The following TOP1 variants were observed in gnomAD, a reference collection of about 807,000 sequenced individuals.
The protein encoded by TOP1 is DNA topoisomerase I.
In TOP1, 10 loss-of-function variants were observed where a neutral mutation model predicts 111.1. The ratio of observed to expected loss-of-function variants is 0.09; its 90% confidence interval spans 0.06 to 0.15. The LOEUF (loss-of-function observed/expected upper bound fraction) is 0.15. Among genes scored for constraint, TOP1 ranks in the 10% least tolerant of loss-of-function variants. The pLI is 1.00. For synonymous variants in TOP1, 271 were observed against 302.9 expected, an observed-to-expected ratio of 0.89 and a Z score of 1.10; for missense variants, 474 against 926.7, an observed-to-expected ratio of 0.51 and a Z score of 6.34.
chr20:41,115,009 A>G lies in TOP1; in HGVS notation c.1639-362A>G, dbSNP rs1259542229. Among the ~76,000 whole-genome samples the G allele has an allele frequency of 6.6e-6, 1 of 152,262 alleles. No homozygotes were observed. Among genetic ancestry groups the G allele is most frequent in the Non-Finnish European group, 1.5e-5 (1 of 68,048 alleles). ...ATGTAAGGGAATATCTATTTTTAGAACATACACACTGAAATGTTTAGGACC... is the reference window on the plus strand; with the variant it reads ...ATGTAAGGGAATATCTATTTTTAGAGCATACACACTGAAATGTTTAGGACC... On this transcript the variant is annotated intron_variant, in intron 15 of 20. Coordinates refer to ENST00000361337, the MANE Select transcript of TOP1 (RefSeq NM_003286.4). The surrounding 1 kb of genome is among the most constrained non-coding windows in gnomAD (Gnocchi z 6.3).
At position 41,039,431 on chromosome 20, in the gene TOP1, CTTG is replaced by C. The variant is rs370521759; in HGVS notation, c.58+9977_58+9979del. Among the ~76,000 whole-genome samples, 327 of 152,168 alleles carry C rather than the reference CTTG, an allele frequency of 2.1e-3. 1 individual carries two copies. Among genetic ancestry groups the C allele is most frequent in the African/African-American group, 6.5e-3 (268 of 41,502 alleles). ...CTTAAAGAAATTGGAGACCTAGGAC[CTTG>C]GATTTCCAAAGATTTCCAAACTCTT... On this transcript the variant is annotated intron_variant, in intron 2 of 20. Coordinates refer to ENST00000361337, the MANE Select transcript of TOP1 (RefSeq NM_003286.4).
At chr20:41,105,998 T>G (rs753786280) in intron 13 of TOP1, among the ~76,000 whole-genome samples, 23 of 113,218 alleles carry the variant, frequency 2.0e-4, no homozygotes, top group South Asian at 3.2e-4. Context: ...CACAACAGTA[T>G]TCCTCTTTTT....
chr20:41,081,066 C>A, intron 6 of TOP1, 99 bp from the exon 7 acceptor site: 1 of 1,027,674 alleles, frequency 9.7e-7, no homozygotes, highest in Non-Finnish European at 1.4e-6. Context: ...ACAGTGATTA[C>A]TCTTGCCATG....
At position 41,114,278 on chromosome 20, in the gene TOP1, A is replaced by G; in HGVS notation, c.1638+123A>G. 1.2e-6 allele frequency: 1 copy of G among 800,846 alleles called. No homozygotes were observed. Among genetic ancestry groups the G allele is most frequent in the Admixed American group, 2.4e-5 (1 of 41,162 alleles). The allele number at this position is 800,846 out of a possible 1,614,324, so 49.6% of individuals were successfully genotyped here. On this transcript the variant is annotated intron_variant, in intron 15 of 20. Coordinates refer to ENST00000361337, the MANE Select transcript of TOP1 (RefSeq NM_003286.4). The surrounding 1 kb of genome is among the most constrained non-coding windows in gnomAD (Gnocchi z 4.5). The stretch of plus-strand genomic sequence containing the variant: ...GCAAAAGTGACTTGAGACAGGCAAC[A>G]TGGCACATGCCTGTAGACCCAGCTA...
rs2034254845 is a variant in TOP1, at chr20:41,112,256, C to A, written c.1309-526C>A. ...TCACTTAGATTTAATGGAATTCAGT[C>A]CTGGTAGAAAACTGCTATTGGGTCA... On this transcript the variant is annotated intron_variant, in intron 13 of 20. Coordinates refer to ENST00000361337, the MANE Select transcript of TOP1 (RefSeq NM_003286.4). This position sits in a 1 kb window ranked among gnomAD's most constrained non-coding sequence, Gnocchi z 5.8. Among the ~76,000 whole-genome samples, 1 of 152,190 alleles carries A rather than the reference C, an allele frequency of 6.6e-6. No individual in the cohort carries two copies. The highest frequency in any genetic ancestry group is 1.5e-5 in the Non-Finnish European group (1 of 68,042).
chr20:41,032,629 C>T lies in TOP1; in HGVS notation c.58+3174C>T, dbSNP rs935464221. ...CCCATTTGACCCCCTTAGCAAAGCA[C>T]AATACTTGGCTCCATCAGTCTTTAG... On this transcript the variant is annotated intron_variant, in intron 2 of 20. Coordinates refer to ENST00000361337, the MANE Select transcript of TOP1 (RefSeq NM_003286.4). This position sits in a 1 kb window ranked among gnomAD's most constrained non-coding sequence, Gnocchi z 4.3. Among the ~76,000 whole-genome samples the T allele has an allele frequency of 6.6e-6, 1 of 152,182 alleles. No individual in the cohort carries two copies. The highest frequency in any genetic ancestry group is 2.4e-5 in the African/African-American group (1 of 41,446).
intron 3 of TOP1, among the ~76,000 whole-genome samples, chr20:41,075,941 A>C (rs1367035330): frequency 6.6e-6 from 1 of 152,232 alleles, no homozygotes; most frequent in African/African-American, 2.4e-5. Context: ...GTCACTTTAA[A>C]AAAAATGTCC....
chr20:41,101,023 T>G lies in TOP1; in HGVS notation c.1164-186T>G. The G allele has an allele frequency of 1.7e-6, 1 of 584,612 alleles. No individual in the cohort carries two copies. The highest frequency in any genetic ancestry group is 3.0e-6 in the Non-Finnish European group (1 of 329,538). The allele number at this position is 584,612 out of a possible 1,614,324, so 36.2% of individuals were successfully genotyped here. ...AAATGTTTATTTCTGGAATTTTGTA[T>G]TGAATATTTTCGGATGACAGTTGGC... On this transcript the variant is annotated intron_variant, in intron 12 of 20. Coordinates refer to ENST00000361337, the MANE Select transcript of TOP1 (RefSeq NM_003286.4). The surrounding 1 kb of genome is among the most constrained non-coding windows in gnomAD (Gnocchi z 4.1).
At position 41,097,353 on chromosome 20, in the gene TOP1, C is replaced by T. The variant is rs752708747; in HGVS notation, c.852+12C>T. 6.2e-7 allele frequency: 1 copy of T among 1,610,388 alleles called. No individual in the cohort carries two copies. Among genetic ancestry groups the T allele is most frequent in the South Asian group, 1.1e-5 (1 of 90,524 alleles). On this transcript the variant is annotated intron_variant, in intron 10 of 20. Transcript: ENST00000361337. This position sits in a 1 kb window ranked among gnomAD's most constrained non-coding sequence, Gnocchi z 4.2. ...AAGACTGGAGAAAGGTACTGTAGCC[C>T]ATGTGTTAATATCCTAGTACCTTGC...
chr20:41,063,517 A>G (rs1048262973), intron 3 of TOP1, among the ~76,000 whole-genome samples: 1 of 152,140 alleles, frequency 6.6e-6, no homozygotes, highest in East Asian at 1.9e-4. Flanking sequence ...AAATCTCCAA[A>G]CTGCTTTCCC....
Position 41,121,957 on chromosome 20 carries a change from CTT to C in TOP1, c.2046-48_2046-47del. The C allele has an allele frequency of 6.2e-7, 1 of 1,607,894 alleles. No homozygotes were observed. Among genetic ancestry groups the C allele is most frequent in the Non-Finnish European group, 8.5e-7 (1 of 1,177,036 alleles). ...AGTGGCAGGATGGGTACAGTGTGCT[CTT>C]GTCTAGAGCCCAGGCCTGGTTCTTG... is the stretch of plus-strand genomic sequence containing the variant. On this transcript the variant is annotated intron_variant, in intron 19 of 20. Coordinates refer to ENST00000361337, the MANE Select transcript of TOP1 (RefSeq NM_003286.4). This position sits in a 1 kb window ranked among gnomAD's most constrained non-coding sequence, Gnocchi z 4.2.
chr20:41,063,675 T>G (rs2145928190), intron 3 of TOP1, among the ~76,000 whole-genome samples: 1 of 152,340 alleles, frequency 6.6e-6, no homozygotes, highest in East Asian at 1.9e-4. Context: ...TGATTTGCAT[T>G]TCTCTGATGA....
chr20:41,078,954 A>C lies in TOP1; in HGVS notation c.336-1131A>C, dbSNP rs1300874904. Among the ~76,000 whole-genome samples, 3 of 152,130 alleles carry C rather than the reference A, an allele frequency of 2.0e-5. No individual in the cohort carries two copies. Among genetic ancestry groups the C allele is most frequent in the African/African-American group, 7.2e-5 (3 of 41,420 alleles). ...CACAGTTTTTGTCTTCAGTGTGACA[A>C]ACTTAGGATCTAGCATTTACTTAAC... On this transcript the variant is annotated intron_variant, in intron 5 of 20. Transcript: ENST00000361337. The surrounding 1 kb of genome is among the most constrained non-coding windows in gnomAD (Gnocchi z 5.3).
rs934746482 is a variant in TOP1 at position 41,029,126 on chromosome 20, C to T, written c.33+26C>T. On this transcript the variant is annotated intron_variant, in intron 1 of 20. Transcript: ENST00000361337. The surrounding 1 kb of genome is among the most constrained non-coding windows in gnomAD (Gnocchi z 6.1). The stretch of plus-strand genomic sequence containing the variant: ...GTACGGCCCGGCCTGACCCTGGCGG[C>T]CCCGGACCCCGGCCTGGCCGTCCCG... 1.4e-5 allele frequency: 21 copies of T among 1,471,020 alleles called. No homozygotes were observed. The highest frequency in any genetic ancestry group is 1.2e-4 in the East Asian group (4 of 33,692). The allele number at this position is 1,471,020 out of a possible 1,614,324, so 91.1% of individuals were successfully genotyped here.
intron 8 of TOP1, among the ~76,000 whole-genome samples, chr20:41,089,184 C>T (rs952802668): frequency 4.6e-5 from 7 of 151,900 alleles, no homozygotes; most frequent in Admixed American, 1.3e-4. Flanking sequence ...ACCACCATTC[C>T]CGGCTAATTT....
Position 41,110,482 on chromosome 20 carries a change from C to T in TOP1, c.1309-2300C>T, listed in dbSNP as rs148706010. On this transcript the variant is annotated intron_variant, in intron 13 of 20. Coordinates refer to ENST00000361337, the MANE Select transcript of TOP1 (RefSeq NM_003286.4). The surrounding 1 kb of genome is among the most constrained non-coding windows in gnomAD (Gnocchi z 4.2). ...CAAATGTCCTCTTCCCCATTACAAA[C>T]GTCTGAGAAAGTTACTAGAAAACAG... Among the ~76,000 whole-genome samples, 75 of 152,298 alleles carry T rather than the reference C, an allele frequency of 4.9e-4. No homozygotes were observed. Among genetic ancestry groups the T allele is most frequent in the Admixed American group, 1.1e-3 (17 of 15,298 alleles).
At position 41,029,343 on chromosome 20, in the gene TOP1, AG is replaced by A; in HGVS notation, c.34-85del. 1.6e-6 allele frequency: 2 copies of A among 1,222,404 alleles called. No individual in the cohort carries two copies. The highest frequency in any genetic ancestry group is 2.2e-6 in the Non-Finnish European group (2 of 909,826). The allele number at this position is 1,222,404 out of a possible 1,614,324, so 75.7% of individuals were successfully genotyped here. A position where few individuals can be genotyped will look rare whatever the true frequency, so the allele number is the denominator to read the frequency against. ...GGGTCCCCGTCCTCCCCGGGGGCGC[AG>A]GGTGAGCCAGACCCCGGCCGCGCGC... On this transcript the variant is annotated intron_variant, in intron 1 of 20. Coordinates refer to ENST00000361337, the MANE Select transcript of TOP1 (RefSeq NM_003286.4). The surrounding 1 kb of genome is among the most constrained non-coding windows in gnomAD (Gnocchi z 6.1).
chr20:41,116,438 A>G lies in TOP1; in HGVS notation c.1822+46A>G. ...TAGGGCCCACACCCCTACTAATGGTATCCGGTGACCTTGCTTATCTAAGGC... is the reference window on the plus strand; with the variant it reads ...TAGGGCCCACACCCCTACTAATGGTGTCCGGTGACCTTGCTTATCTAAGGC... On this transcript the variant is annotated intron_variant, in intron 17 of 20. Transcript: ENST00000361337. This position sits in a 1 kb window ranked among gnomAD's most constrained non-coding sequence, Gnocchi z 5.6. 1 of 1,465,266 alleles carries G rather than the reference A, an allele frequency of 6.8e-7. No individual in the cohort carries two copies. Among genetic ancestry groups the G allele is most frequent in the South Asian group, 1.1e-5 (1 of 87,738 alleles). 90.8% of individuals were successfully genotyped at this position (1,465,266 alleles called of 1,614,324 possible). A position where few individuals can be genotyped will look rare whatever the true frequency, so the allele number is the denominator to read the frequency against.
intron 2 of TOP1, among the ~76,000 whole-genome samples, chr20:41,045,030 C>G (rs1222632268): frequency 5.9e-5 from 9 of 152,190 alleles, no homozygotes; most frequent in African/African-American, 9.7e-5. Context: ...TCTAGTGATT[C>G]ACCTGCCTCA....
Sources: gnomAD v4.1 joint callset for allele counts (sites outside exome capture counted in the v4.1 genomes callset) on GRCh38, gnomAD v4.1.1 for gene constraint, Gnocchi (gnomAD v3.1) non-coding constraint, MANE v1.5 for transcripts, NCBI Gene and HGNC (gene_info 2026-07-23, HGNC 2026-07-21) for gene names.